The following NLRP5 variants were observed in gnomAD, a reference collection of about 807,000 sequenced individuals.
NLRP5 encodes the protein NLR family pyrin domain containing 5, also known as NACHT, LRR and PYD domains-containing protein 5.
In NLRP5, 93 loss-of-function variants were observed where a neutral mutation model predicts 113.1. The ratio of observed to expected loss-of-function variants is 0.82; its 90% CI spans 0.70 to 0.98. The LOEUF (loss-of-function observed/expected upper bound fraction) is 0.98, where lower values mean the gene tolerates loss of function less well. NLRP5 is among the 50% of genes least tolerant of loss of function. The pLI is 0.00. For missense variants in NLRP5, 1,808 were observed against 1,514.3 expected, an observed-to-expected ratio of 1.19 and a Z score of -3.22; for synonymous variants, 751 against 600.7, an observed-to-expected ratio of 1.25 and a Z score of -3.66.
At position 56,040,943 on chromosome 19, in the gene NLRP5, A is replaced by G; in HGVS notation, c.2808A>G (p.Thr936=). 1.2e-6 allele frequency: 2 copies of G among 1,613,912 alleles called. No individual in the cohort carries two copies. Among genetic ancestry groups the G allele is most frequent in the Non-Finnish European group, 1.7e-6 (2 of 1,179,830 alleles). Residue 936 remains threonine, a synonymous_variant, in exon 11 of 15, where the codon ACA becomes ACG. Coordinates refer to ENST00000390649, the MANE Select transcript of NLRP5 (RefSeq NM_153447.4). ...GCAGACTGGAGGACTGTGGCATCAC[A>G]GCCACGGGTTGCCAGAGTCTGGCCT...
intron 11 of NLRP5, among the ~76,000 whole-genome samples, chr19:56,048,224 G>A (rs1983798867): frequency 6.6e-6 from 1 of 152,166 alleles, no homozygotes. Flanking sequence ...TGTTAGGATG[G>A]AGATGTGAGG....
At chr19:55,997,976 G>A (rs1981386689), upstream of NLRP5, among the ~76,000 whole-genome samples, 1 of 152,128 alleles carries the variant, frequency 6.6e-6, no homozygotes, top group African/African-American at 2.4e-5. Context: ...AATGTTGAAG[G>A]TAGGGAGCAG....
intron 13 of NLRP5, among the ~76,000 whole-genome samples, chr19:56,056,787 C>T (rs910333795): frequency 3.0e-4 from 46 of 152,082 alleles, no homozygotes; most frequent in African/African-American, 1.1e-3. Flanking sequence ...CTTATCTCAC[C>T]ATCTCGCCAT....
intron 9 of NLRP5, among the ~76,000 whole-genome samples, chr19:56,036,212 C>T (rs374174554): frequency 5.3e-5 from 8 of 151,428 alleles, no homozygotes; most frequent in South Asian, 2.1e-4. Context: ...TACAGGCGCC[C>T]GCCACCACGC....
In NLRP5 at chr19:56,003,902, A is replaced by T. The variant is rs756421184; in HGVS notation, c.249A>T (p.Leu83Phe). 38 of 1,613,914 alleles carry T rather than the reference A, an allele frequency of 2.4e-5. No homozygotes were observed. Among genetic ancestry groups the T allele is most frequent in the Admixed American group, 6.7e-5 (4 of 60,000 alleles). Residue 83 changes from leucine (L) to phenylalanine (F), a missense_variant, in exon 2 of 15, where the codon TTA becomes TTT. Transcript: ENST00000390649. The stretch of plus-strand genomic sequence containing the variant: ...AAGAATTTCAGACATTCAAGGAATT[A>T]CTAAAGAAGAAATCTTCAGAATCGA...
At chr19:56,054,510 A>C (rs1238278302) in intron 13 of NLRP5, among the ~76,000 whole-genome samples, 1 of 150,648 alleles carries the variant, frequency 6.6e-6, no homozygotes, top group Admixed American at 6.7e-5. Context: ...GTGAGCCGAG[A>C]CCACACCACT....
At chr19:56,004,891 G>C (rs192760550) in intron 2 of NLRP5, among the ~76,000 whole-genome samples, 2 of 151,674 alleles carry the variant, frequency 1.3e-5, no homozygotes, top group Non-Finnish European at 2.9e-5. Context: ...TCAAGAGATC[G>C]AGACCAGCCT....
intron 3 of NLRP5, among the ~76,000 whole-genome samples, chr19:56,014,258 A>G (rs989474262): frequency 2.0e-5 from 3 of 152,070 alleles, no homozygotes; most frequent in Non-Finnish European, 4.4e-5. Context: ...AAGGCGGTGG[A>G]TCACAAGATC....
At chr19:56,044,457 G>A (rs192395853) in intron 11 of NLRP5, among the ~76,000 whole-genome samples, 8 of 152,304 alleles carry the variant, frequency 5.3e-5, no homozygotes, top group African/African-American at 1.4e-4. Flanking sequence ...TCTCAGCACC[G>A]TTTGTCGAAA....
chr19:55,992,802 C>A, the NLRP5 span, among the ~76,000 whole-genome samples: 1 of 152,086 alleles, frequency 6.6e-6, no homozygotes, highest in African/African-American at 2.4e-5. Context: ...GATACATTTG[C>A]TGCAGTTTTT....
In NLRP5 at chr19:56,052,246, G is replaced by GTTTTGT. The variant is rs56132416; in HGVS notation, c.3129-1371_3129-1366dup. 3.8e-3 allele frequency among the ~76,000 whole-genome samples: 564 copies of GTTTTGT among 146,526 alleles called. 6 individuals carry two copies. The highest frequency in any genetic ancestry group is 0.013 in the African/African-American group (523 of 40,056). On this transcript the variant is annotated intron_variant, in intron 12 of 14. Transcript: ENST00000390649. ...TTTGGTTTTGGTGGGGTTTTGTTTTGTTTTGTTTTTGTTTTTGTTTTTGTT... is the reference window on the plus strand; with the variant it reads ...TTTGGTTTTGGTGGGGTTTTGTTTTGTTTTGTTTTTGTTTTTGTTTTTGTTTTTGTT...
Position 56,055,533 on chromosome 19 carries a change from CTGTCTTTTTTTT to C in NLRP5, c.3299+1727_3299+1738del, listed in dbSNP as rs1312877579. ...AGCTCCATGTTCTATTTTTCTTTCT[CTGTCTTTTTTTT>C]TTTTTTTTTTTTTTTTTTAAGATAG... is the stretch of plus-strand genomic sequence containing the variant. On this transcript the variant is annotated intron_variant, in intron 13 of 14. Coordinates refer to ENST00000390649, the MANE Select transcript of NLRP5 (RefSeq NM_153447.4). Among the ~76,000 whole-genome samples, 12 of 99,550 alleles carry C rather than the reference CTGTCTTTTTTTT, an allele frequency of 1.2e-4. 1 individual carries two copies. Among genetic ancestry groups the C allele is most frequent in the African/African-American group, 1.7e-4 (5 of 29,182 alleles). 65.3% of individuals were successfully genotyped at this position (99,550 alleles called of 152,430 possible).
At chr19:56,003,047 G>T (rs200422056) in intron 1 of NLRP5, among the ~76,000 whole-genome samples, 15,045 of 137,676 alleles carry the variant, frequency 0.11, 1,102 homozygotes, top group East Asian at 0.24. Flanking sequence ...AGTCAGTGTG[G>T]CAATTCCTCA....
chr19:55,993,715 C>T, the NLRP5 span, among the ~76,000 whole-genome samples: 3 of 146,836 alleles, frequency 2.0e-5, no homozygotes, highest in African/African-American at 5.1e-5. Context: ...GAGTAAAATA[C>T]ATTCAGTATT....
chr19:55,990,282 T>G, the NLRP5 span, among the ~76,000 whole-genome samples: 2 of 151,520 alleles, frequency 1.3e-5, no homozygotes, highest in African/African-American at 4.8e-5. Context: ...AGAGATGCGG[T>G]TTCACCATGT....
chr19:56,006,599 GCACA>G (rs1981922772), intron 2 of NLRP5, among the ~76,000 whole-genome samples: 1 of 151,868 alleles, frequency 6.6e-6, no homozygotes, highest in Non-Finnish European at 1.5e-5. Context: ...AGGCATGGTG[GCACA>G]CACCTGTAAT....
Position 56,040,910 on chromosome 19 carries a change from C to G in NLRP5, c.2787-12C>G. On this transcript the variant is annotated splice_polypyrimidine_tract_variant and intron_variant, in intron 10 of 14. Coordinates refer to ENST00000390649, the MANE Select transcript of NLRP5 (RefSeq NM_153447.4). ...ATCTCATCATGTCCTCTCTGGGGCT[C>G]TCTTCTTGCAGACTGGAGGACTGTG... is the stretch of plus-strand genomic sequence containing the variant. 2 of 1,612,310 alleles carry G rather than the reference C, an allele frequency of 1.2e-6. No homozygotes were observed. Among genetic ancestry groups the G allele is most frequent in the Non-Finnish European group, 1.7e-6 (2 of 1,178,974 alleles).
rs373790777 is a variant in NLRP5, at chr19:56,028,210, G to T, written c.1977G>T (p.Leu659=). 1 of 1,613,750 alleles carries T rather than the reference G, an allele frequency of 6.2e-7. No homozygotes were observed. The highest frequency in any genetic ancestry group is 1.3e-5 in the African/African-American group (1 of 74,924). Residue 659 remains leucine (L), a synonymous_variant, in exon 7 of 15, where the codon CTG becomes CTT. Transcript: ENST00000390649. ...TCCTGCTGGGCTGTCCCGTTCCCCT[G>T]GGGGTGAAGCAGAAGCTTCTGCACT...
intron 13 of NLRP5, among the ~76,000 whole-genome samples, chr19:56,057,294 G>A (rs925263768): frequency 3.3e-5 from 5 of 152,060 alleles, no homozygotes; most frequent in African/African-American, 4.8e-5. Context: ...AATAACCAGC[G>A]TGCTCCCTTC....
Sources: allele counts gnomAD v4.1 joint callset (sites outside exome capture counted in the v4.1 genomes callset), GRCh38; gene constraint gnomAD v4.1.1; transcripts MANE v1.5; gene names NCBI Gene and HGNC (gene_info 2026-07-23, HGNC 2026-07-21).